DEFB106A: variants seen among roughly 807,000 people sequenced by gnomAD.
DEFB106A encodes beta-defensin 106.
For synonymous variants in DEFB106A, 1 was observed against 22.5 expected (o/e 0.04, Z 2.70); for missense variants, 4 against 63.7 (o/e 0.06, Z 3.19).
chr8:7,827,765 T>C (rs1420082905), intron 1 of DEFB106A, among the ~76,000 whole-genome samples: 4 of 139,330 alleles, frequency 2.9e-5, no homozygotes, highest in African/African-American at 1.0e-4. Flanking sequence ...AAAGATTTTA[T>C]CTGAATACCA....
chr8:7,826,662 A>G (rs1437761239), intron 1 of DEFB106A, among the ~76,000 whole-genome samples: 18 of 122,414 alleles, frequency 1.5e-4, no homozygotes, highest in African/African-American at 4.6e-4. Context: ...ATATATATAT[A>G]TATACATATT....
At chr8:7,827,321 T>C (rs1231004089) in intron 1 of DEFB106A, among the ~76,000 whole-genome samples, 2 of 123,260 alleles carry the variant, frequency 1.6e-5, no homozygotes, top group African/African-American at 5.7e-5. Context: ...GTATATAGTA[T>C]AGTGTATATA....
intron 1 of DEFB106A, among the ~76,000 whole-genome samples, chr8:7,826,672 T>A (rs1298705586): frequency 2.0e-4 from 8 of 40,996 alleles, no homozygotes; most frequent in African/African-American, 3.6e-4. Flanking sequence ...ATATACATAT[T>A]TTTTTTTTTT....
At chr8:7,826,700 A>T (rs1248399884) in intron 1 of DEFB106A, among the ~76,000 whole-genome samples, 14 of 115,288 alleles carry the variant, frequency 1.2e-4, no homozygotes, top group African/African-American at 3.4e-4. Flanking sequence ...ATAGAGTCTC[A>T]CTCTGTTCCC....
intron 1 of DEFB106A, among the ~76,000 whole-genome samples, chr8:7,826,565 A>C (rs568901838): frequency 2.0e-4 from 30 of 148,810 alleles, no homozygotes; most frequent in African/African-American, 7.1e-4. Context: ...ATAGTATAGC[A>C]TAGTATATAC....
intron 1 of DEFB106A, among the ~76,000 whole-genome samples, chr8:7,827,886 A>C (rs1485024031): frequency 7.1e-6 from 1 of 140,652 alleles, no homozygotes; most frequent in Non-Finnish European, 1.6e-5. Flanking sequence ...GAAATAGTGG[A>C]GTATTTTCAC....
At chr8:7,826,860 G>T (rs1198803632) in intron 1 of DEFB106A, among the ~76,000 whole-genome samples, 8 of 128,800 alleles carry the variant, frequency 6.2e-5, no homozygotes, top group Non-Finnish European at 5.0e-5. Flanking sequence ...AGTAGAGACG[G>T]GGTTTCACCG....
chr8:7,827,541 A>G (rs1817449073), intron 1 of DEFB106A, among the ~76,000 whole-genome samples: 1 of 119,990 alleles, frequency 8.3e-6, no homozygotes, highest in South Asian at 3.3e-4. Context: ...TACATAGTAT[A>G]GTGTACATAC....
chr8:7,827,242 C>T (rs1213050967), intron 1 of DEFB106A, among the ~76,000 whole-genome samples: 3 of 18,288 alleles, frequency 1.6e-4, no homozygotes, highest in South Asian at 6.6e-3. Context: ...CACTAGTATA[C>T]AGTATAGTGT....
chr8:7,826,660 A>G (rs1388230878), intron 1 of DEFB106A, among the ~76,000 whole-genome samples: 1 of 122,930 alleles, frequency 8.1e-6, no homozygotes, highest in South Asian at 3.0e-4. Flanking sequence ...TTATATATAT[A>G]TATATACATA....
At chr8:7,827,648 A>G (rs1441530248) in intron 1 of DEFB106A, among the ~76,000 whole-genome samples, 2 of 130,786 alleles carry the variant, frequency 1.5e-5, no homozygotes, top group African/African-American at 5.3e-5. Flanking sequence ...AGTATAGTAT[A>G]TATACTAGTA....
intron 1 of DEFB106A, among the ~76,000 whole-genome samples, chr8:7,827,385 A>G (rs61701893): frequency 0.46 from 26,474 of 57,294 alleles, 2,998 homozygotes; most frequent in South Asian, 0.55. Flanking sequence ...TAATACACTA[A>G]TATATAGTAT....
Sources: gnomAD v4.1 joint callset for allele counts (sites outside exome capture counted in the v4.1 genomes callset) on GRCh38, gnomAD v4.1.1 for gene constraint, MANE v1.5 for transcripts, NCBI Gene and HGNC (gene_info 2026-07-23, HGNC 2026-07-21) for gene names.